The following GPR107 variants were observed in gnomAD, a reference collection of about 807,000 sequenced individuals.
The protein encoded by GPR107 is protein GPR107.
In GPR107, 31 loss-of-function variants were observed where a neutral mutation model predicts 75.5. That is an observed-to-expected ratio of 0.41 (90% CI 0.31 to 0.55). GPR107 has a LOEUF of 0.55. GPR107 is among the 20% of genes least tolerant of loss of function. The probability of loss-of-function intolerance (pLI) is 0.26; values close to 1 mark genes in which losing one functional copy is unlikely to be tolerated. For missense variants in GPR107, 572 were observed against 665.7 expected (o/e 0.86, Z 1.55); for synonymous variants, 267 against 251.3 (o/e 1.06, Z -0.59).
intron 6 of GPR107, among the ~76,000 whole-genome samples, chr9:130,085,245 G>GATCT (rs2132579350): frequency 6.6e-6 from 1 of 152,246 alleles, no homozygotes; most frequent in African/African-American, 2.4e-5. Flanking sequence ...GGGTGATGAG[G>GATCT]ATCTGGACTA....
chr9:130,055,581 C>A (rs575296820), intron 1 of GPR107, among the ~76,000 whole-genome samples: 1 of 149,802 alleles, frequency 6.7e-6, no homozygotes, highest in Admixed American at 6.7e-5. Context: ...TGTAAAAACA[C>A]ATTGTTTTAG....
At chr9:130,099,369 C>G (rs559492705) in intron 9 of GPR107, 88 bp from the exon 10 acceptor site, 5 of 766,980 alleles carry the variant, frequency 6.5e-6, no homozygotes, top group Non-Finnish European at 1.1e-5. Context: ...TTTCCTGTCT[C>G]CTTATAAATA....
intron 13 of GPR107, among the ~76,000 whole-genome samples, chr9:130,106,721 T>C (rs1831170380): frequency 6.6e-6 from 1 of 152,116 alleles, no homozygotes; most frequent in Admixed American, 6.6e-5. Flanking sequence ...TCCATTCAGT[T>C]CTCAAGCAGA....
rs1482260510 is a variant in GPR107 at position 130,136,177 on chromosome 9, A to T, written c.*1056A>T. The T allele has an allele frequency of 6.6e-6, 1 of 152,242 alleles. No individual in the cohort carries two copies. The highest frequency in any genetic ancestry group is 2.4e-5 in the African/African-American group (1 of 41,460). The allele number at this position is 152,242 out of a possible 1,614,324, so 9.4% of individuals were successfully genotyped here. A position where few individuals can be genotyped will look rare whatever the true frequency, so the allele number is the denominator to read the frequency against. On this transcript the variant is annotated 3_prime_UTR_variant, in exon 18 of 18. Coordinates refer to ENST00000347136, the MANE Select transcript of GPR107 (RefSeq NM_020960.5). ...TGGTCCCCATAGTCCAAGAGTATGTATGTGAAGAAAGTGAGCATGATTCAA... is the reference window on the plus strand; with the variant it reads ...TGGTCCCCATAGTCCAAGAGTATGTTTGTGAAGAAAGTGAGCATGATTCAA...
chr9:130,072,555 C>T (rs1375992912), intron 1 of GPR107, among the ~76,000 whole-genome samples: 1 of 152,104 alleles, frequency 6.6e-6, no homozygotes, highest in Non-Finnish European at 1.5e-5. Context: ...GATCTGCCTG[C>T]TTTGGCCTCC....
intron 14 of GPR107, chr9:130,108,806 T>C: frequency 2.2e-6 from 1 of 454,718 alleles, no homozygotes; most frequent in South Asian, 1.6e-5. Context: ...GAGTGTCCTC[T>C]TGTGATAGGT....
At chr9:130,114,138 G>A (rs1352916849) in intron 14 of GPR107, among the ~76,000 whole-genome samples, 1 of 150,178 alleles carries the variant, frequency 6.7e-6, no homozygotes, top group Non-Finnish European at 1.5e-5. Flanking sequence ...GGAGGCGGAG[G>A]CAAACGGATC....
intron 1 of GPR107, among the ~76,000 whole-genome samples, chr9:130,060,115 T>A (rs6478941): frequency 0.91 from 137,287 of 151,638 alleles, 62,583 homozygotes; most frequent in East Asian, 0.97. Flanking sequence ...CAGGCTGGAG[T>A]GCAGTGGCGC....
chr9:130,090,897 G>T lies in GPR107; in HGVS notation c.643G>T (p.Asp215Tyr), dbSNP rs1830716095. Residue 215 changes from aspartate (D) to tyrosine (Y), a missense_variant, in exon 8 of 18, where the codon GAT becomes TAT. Asp to Tyr is a radical substitution (Grantham distance 160). Coordinates refer to ENST00000347136, the MANE Select transcript of GPR107 (RefSeq NM_020960.5). ...SFQFFFNIST[D>Y]DQEGLYSLYF... ...TCAGTTTTTCTTTAACATCAGCACT[G>T]ATGACCAAGAAGGCCTTTACAGTCT... 1.4e-6 allele frequency: 2 copies of T among 1,474,058 alleles called. No individual in the cohort carries two copies. The highest frequency in any genetic ancestry group is 3.4e-5 in the Admixed American group (2 of 59,076). The allele number at this position is 1,474,058 out of a possible 1,614,324, so 91.3% of individuals were successfully genotyped here.
chr9:130,055,807 G>A (rs939156880), intron 1 of GPR107, among the ~76,000 whole-genome samples: 1 of 151,490 alleles, frequency 6.6e-6, no homozygotes, highest in Non-Finnish European at 1.5e-5. Flanking sequence ...AGACGGGCAT[G>A]GTGGCACATG....
chr9:130,115,562 C>A (rs957961473), intron 14 of GPR107, among the ~76,000 whole-genome samples: 3 of 151,718 alleles, frequency 2.0e-5, no homozygotes, highest in Admixed American at 2.0e-4. Context: ...GCCAGGAGAT[C>A]GAGACCATCC....
chr9:130,125,597 C>CTT (rs71387321), intron 15 of GPR107, among the ~76,000 whole-genome samples: 373 of 103,092 alleles, frequency 3.6e-3, no homozygotes, highest in Non-Finnish European at 4.9e-3. Flanking sequence ...ATCTGAGTTC[C>CTT]TTTTTTTTTT....
chr9:130,105,777 C>T (rs781044124), intron 13 of GPR107, among the ~76,000 whole-genome samples: 10 of 151,988 alleles, frequency 6.6e-5, no homozygotes, highest in Non-Finnish European at 1.0e-4. Flanking sequence ...ATGAATGATG[C>T]TCCCACCTCA....
rs116646243 is a variant in GPR107 at position 130,094,051 on chromosome 9, G to A, written c.863+1670G>A. Among the ~76,000 whole-genome samples, 621 of 150,974 alleles carry A rather than the reference G, an allele frequency of 4.1e-3. 4 individuals are homozygous for A. The highest frequency in any genetic ancestry group is 0.015 in the African/African-American group (603 of 41,270). On this transcript the variant is annotated intron_variant, in intron 9 of 17. Transcript: ENST00000347136. Reference sequence around the variant, plus strand: ...GCTGGTCTTGAACTGCTGACCTCGGGTAATTTACCTGGCTCAGCTTCCCAA... The same window carrying A: ...GCTGGTCTTGAACTGCTGACCTCGGATAATTTACCTGGCTCAGCTTCCCAA...
chr9:130,099,868 C>CTTTTTTTTTTTTTTTT (rs71387314), intron 10 of GPR107, among the ~76,000 whole-genome samples: 1 of 89,994 alleles, frequency 1.1e-5, no homozygotes, highest in Admixed American at 1.4e-4. Context: ...GTTTCCACGA[C>CTTTTTTTTTTTTTTTT]TTTTTTTTTT....
intron 14 of GPR107, among the ~76,000 whole-genome samples, chr9:130,117,990 A>G (rs970370130): frequency 1.3e-5 from 2 of 152,208 alleles, no homozygotes; most frequent in African/African-American, 2.4e-5. Context: ...GTGTCGTCCT[A>G]AAGTCACTAG....
chr9:130,107,344 C>G (rs987688396), intron 13 of GPR107, 152 bp from the exon 14 acceptor site: 1 of 649,512 alleles, frequency 1.5e-6, no homozygotes, highest in East Asian at 2.8e-5. Context: ...ATTTCCCCCC[C>G]TCTACCCGTT....
intron 1 of GPR107, among the ~76,000 whole-genome samples, chr9:130,073,737 T>TTTTTGTTTG (rs1180689636): frequency 6.6e-6 from 1 of 151,992 alleles, no homozygotes; most frequent in Non-Finnish European, 1.5e-5. Flanking sequence ...AGGCCTGGGT[T>TTTTTGTTTG]TTTTGTTTGT....
Position 130,085,754 on chromosome 9 carries a change from A to ATTTT in GPR107, c.565-652_565-649dup, listed in dbSNP as rs71387311. On this transcript the variant is annotated intron_variant, in intron 6 of 17. Transcript: ENST00000347136. ...TTACTGTATAAATGGCAATATTTTG[A>ATTTT]TTTTTTTTTTTTTTTTTGCCGGGGG... is the stretch of plus-strand genomic sequence containing the variant. 7.2e-4 allele frequency among the ~76,000 whole-genome samples: 57 copies of ATTTT among 78,674 alleles called. 7 individuals carry two copies. Among genetic ancestry groups the ATTTT allele is most frequent in the East Asian group, 9.9e-4 (2 of 2,028 alleles). 51.6% of individuals were successfully genotyped at this position (78,674 alleles called of 152,430 possible).
Sources: allele counts gnomAD v4.1 joint callset (sites outside exome capture counted in the v4.1 genomes callset), GRCh38; gene constraint gnomAD v4.1.1; transcripts MANE v1.5; gene names NCBI Gene and HGNC (gene_info 2026-07-23, HGNC 2026-07-21).